The following IQCB1 variants were observed in gnomAD, a reference collection of about 807,000 sequenced individuals.
IQCB1 encodes IQ calmodulin-binding motif-containing protein 1.
A neutral mutation model predicts 84.4 loss-of-function variants in IQCB1; 56 were observed. The observed-to-expected ratio is 0.66, with a 90% confidence interval of 0.54 to 0.83. The LOEUF (loss-of-function observed/expected upper bound fraction) is 0.83, where lower values mean the gene tolerates loss of function less well. IQCB1 is among the 40% of genes least tolerant of loss of function. The probability of loss-of-function intolerance (pLI) is 0.00; values close to 1 mark genes in which losing one functional copy is unlikely to be tolerated. For missense variants in IQCB1, 629 were observed against 682.1 expected (o/e 0.92, Z 0.87); for synonymous variants, 210 against 234.8 (o/e 0.89, Z 0.96).
chr3:121,823,783 A>G (rs893390367), intron 5 of IQCB1, among the ~76,000 whole-genome samples: 1 of 152,196 alleles, frequency 6.6e-6, no homozygotes, highest in African/African-American at 2.4e-5. Flanking sequence ...AATAAAGACA[A>G]CCAGACATAG....
intron 3 of IQCB1, 38 bp from the exon 4 acceptor site, chr3:121,828,670 T>A: frequency 7.0e-7 from 1 of 1,431,698 alleles, no homozygotes. Context: ...TATTTTTGCT[T>A]AATACATCCA....
At chr3:121,773,313 T>TAAAAAAAAAA (rs57716745) in intron 13 of IQCB1, among the ~76,000 whole-genome samples, 1 of 104,418 alleles carries the variant, frequency 9.6e-6, no homozygotes, top group Admixed American at 1.1e-4. Flanking sequence ...GACTCTGCCT[T>TAAAAAAAAAA]AAAAAAAAAA....
At chr3:121,779,090 T>A (rs948136675) in intron 13 of IQCB1, among the ~76,000 whole-genome samples, 5 of 150,966 alleles carry the variant, frequency 3.3e-5, no homozygotes, top group African/African-American at 9.7e-5. Flanking sequence ...TATATAAAAA[T>A]TTTTTTTTGT....
At chr3:121,823,254 G>A (rs1361382349) in intron 5 of IQCB1, among the ~76,000 whole-genome samples, 2 of 152,086 alleles carry the variant, frequency 1.3e-5, no homozygotes, top group African/African-American at 4.8e-5. Context: ...CAGAGTGAAG[G>A]TAGAGAGAAT....
chr3:121,777,853 G>A (rs1948292221), intron 13 of IQCB1, among the ~76,000 whole-genome samples: 1 of 150,702 alleles, frequency 6.6e-6, no homozygotes, highest in Non-Finnish European at 1.5e-5. Flanking sequence ...GTGATATTGA[G>A]CATTTTTCAT....
chr3:121,785,365 C>T (rs1282045020), intron 12 of IQCB1, among the ~76,000 whole-genome samples: 2 of 151,980 alleles, frequency 1.3e-5, no homozygotes, highest in East Asian at 3.9e-4. Context: ...TGATTTTCCC[C>T]CACTTCAGTT....
At chr3:121,790,424 A>AT (rs1437732541) in intron 10 of IQCB1, among the ~76,000 whole-genome samples, 1 of 152,220 alleles carries the variant, frequency 6.6e-6, no homozygotes, top group Non-Finnish European at 1.5e-5. Context: ...GTCTGGAAAA[A>AT]TATTTGAAAT....
intron 7 of IQCB1, among the ~76,000 whole-genome samples, chr3:121,800,126 C>T (rs180722709): frequency 3.4e-4 from 51 of 151,982 alleles, no homozygotes; most frequent in South Asian, 1.0e-3. Flanking sequence ...TGATTTCTGT[C>T]CAGTAGAAAA....
chr3:121,775,878 C>T lies in IQCB1; in HGVS notation c.1411-3165G>A, dbSNP rs773956838. ...GTTTCCTTTTGTAAACCCTTATCCT[C>T]ATCCTACCCATCCACCAACTACTTA... On this transcript the variant is annotated intron_variant, in intron 13 of 14. Coordinates refer to ENST00000310864, the MANE Select transcript of IQCB1 (RefSeq NM_001023570.4). 7.2e-5 allele frequency among the ~76,000 whole-genome samples: 11 copies of T among 152,292 alleles called. No homozygotes were observed. In the East Asian group the frequency reaches 2.1e-3, roughly 29 times the overall value.
chr3:121,782,537 T>G (rs960857985), intron 12 of IQCB1, among the ~76,000 whole-genome samples: 1 of 152,200 alleles, frequency 6.6e-6, no homozygotes, highest in Admixed American at 6.5e-5. Flanking sequence ...TGTGATTTTG[T>G]TTTTGTTTTT....
At chr3:121,783,850 G>C (rs1174951179) in intron 12 of IQCB1, among the ~76,000 whole-genome samples, 1 of 151,912 alleles carries the variant, frequency 6.6e-6, no homozygotes, top group Non-Finnish European at 1.5e-5. Context: ...TCTTTGGTCT[G>C]TCCTTATCTT....
chr3:121,794,173 CTT>C (rs1949096149), intron 10 of IQCB1, among the ~76,000 whole-genome samples: 1 of 151,866 alleles, frequency 6.6e-6, no homozygotes, highest in African/African-American at 2.4e-5. Flanking sequence ...AGGCAATAAA[CTT>C]TGAGTAATAA....
chr3:121,830,735 T>G (rs773497986), intron 2 of IQCB1, among the ~76,000 whole-genome samples: 4 of 152,142 alleles, frequency 2.6e-5, no homozygotes, highest in Non-Finnish European at 5.9e-5. Context: ...CTTCCTCCTC[T>G]CCTCCTTTCA....
At chr3:121,817,425 T>TA (rs11420801) in intron 5 of IQCB1, among the ~76,000 whole-genome samples, 36,897 of 146,570 alleles carry the variant, frequency 0.25, 4,791 homozygotes, top group Non-Finnish European at 0.28. Context: ...GAAAGTATAA[T>TA]AAAAAAAAAA....
At chr3:121,796,207 C>CAT (rs1949189399) in intron 9 of IQCB1, among the ~76,000 whole-genome samples, 2 of 152,064 alleles carry the variant, frequency 1.3e-5, no homozygotes, top group South Asian at 4.1e-4. Context: ...CACGATGGTT[C>CAT]ATATATACAG....
chr3:121,801,757 C>T (rs1180620228), intron 7 of IQCB1, among the ~76,000 whole-genome samples: 3 of 150,700 alleles, frequency 2.0e-5, no homozygotes, highest in Non-Finnish European at 3.0e-5. Flanking sequence ...CCCAGGAAAC[C>T]ACCGATCTGC....
intron 6 of IQCB1, 122 bp downstream of exon 6, chr3:121,808,794 G>T: frequency 1.6e-6 from 1 of 632,908 alleles, no homozygotes; most frequent in Non-Finnish European, 2.9e-6. Context: ...ATTTCAACAT[G>T]GTTTCATTTC....
At chr3:121,772,834 T>C in intron 13 of IQCB1, 121 bp from the exon 14 acceptor site, 3 of 874,384 alleles carry the variant, frequency 3.4e-6, no homozygotes, top group East Asian at 2.4e-5. Flanking sequence ...AATCTTATGA[T>C]TGATGTCTAT....
Position 121,828,393 on chromosome 3 carries a change from A to G in IQCB1, c.263+77T>C, listed in dbSNP as rs555714209. 31 of 1,298,250 alleles carry G rather than the reference A, an allele frequency of 2.4e-5. No individual in the cohort carries two copies. The South Asian group carries it at 3.6e-4, about 15-fold the overall frequency. The allele number at this position is 1,298,250 out of a possible 1,614,324, so 80.4% of individuals were successfully genotyped here. On this transcript the variant is annotated intron_variant, in intron 4 of 14. Transcript: ENST00000310864. ...GGTTGCCAATGCTTGTTAGGCAGAT[A>G]AATAAAAAGCAAATGTTGAAAATCA...
Sources: allele counts gnomAD v4.1 joint callset (sites outside exome capture counted in the v4.1 genomes callset), GRCh38; gene constraint gnomAD v4.1.1; transcripts MANE v1.5; gene names NCBI Gene and HGNC (gene_info 2026-07-23, HGNC 2026-07-21).